The following KIAA0232 variants were observed in gnomAD, a reference collection of about 807,000 sequenced individuals.
KIAA0232 encodes uncharacterized protein KIAA0232.
Under a neutral mutation model 122.0 loss-of-function variants are expected in KIAA0232, and 27 were observed. The observed-to-expected ratio is 0.22, with a 90% confidence interval of 0.16 to 0.31. The LOEUF (loss-of-function observed/expected upper bound fraction) is 0.31, where lower values mean the gene tolerates loss of function less well. Among genes scored for constraint, KIAA0232 ranks in the 10% least tolerant of loss-of-function variants. KIAA0232 has a pLI of 1.00. For synonymous variants in KIAA0232, 613 were observed against 587.6 expected, an observed-to-expected ratio of 1.04 and a Z score of -0.63; for missense variants, 1,551 against 1,634.2, an observed-to-expected ratio of 0.95 and a Z score of 0.88.
At chr4:6,836,551 T>C (rs1719289185) in intron 3 of KIAA0232, among the ~76,000 whole-genome samples, 1 of 149,476 alleles carries the variant, frequency 6.7e-6, no homozygotes, top group Non-Finnish European at 1.5e-5. Flanking sequence ...CTTTTCTTTT[T>C]TTTTTTTTTA....
chr4:6,784,362 C>T (rs991752340), intron 1 of KIAA0232, among the ~76,000 whole-genome samples: 1 of 151,916 alleles, frequency 6.6e-6, no homozygotes. Context: ...CTAGATTCTT[C>T]CTATGCAAAA....
At chr4:6,843,313 A>G (rs75035491) in intron 4 of KIAA0232, among the ~76,000 whole-genome samples, 2,430 of 152,292 alleles carry the variant, frequency 0.016, 59 homozygotes, top group African/African-American at 0.055. Flanking sequence ...ACCTCCAGAA[A>G]CTTCCTTCCT....
intron 8 of KIAA0232, among the ~76,000 whole-genome samples, chr4:6,872,955 T>C (rs550908093): frequency 3.9e-5 from 6 of 152,228 alleles, no homozygotes; most frequent in Admixed American, 3.9e-4. Flanking sequence ...CCCAGGACCC[T>C]GCCTTCCTCC....
chr4:6,783,344 A>G (rs889560932), intron 1 of KIAA0232, among the ~76,000 whole-genome samples: 18 of 152,094 alleles, frequency 1.2e-4, no homozygotes, highest in African/African-American at 2.4e-4. Flanking sequence ...AGTCCGCACA[A>G]TGGGTTGCCG....
chr4:6,813,509 C>G (rs111503751), intron 2 of KIAA0232, among the ~76,000 whole-genome samples: 10 of 151,946 alleles, frequency 6.6e-5, no homozygotes, highest in African/African-American at 1.4e-4. Context: ...ACTACAGGTG[C>G]CTGCCACCAC....
At chr4:6,852,764 G>A (rs1004615432) in intron 4 of KIAA0232, among the ~76,000 whole-genome samples, 15 of 152,262 alleles carry the variant, frequency 9.9e-5, no homozygotes, top group African/African-American at 3.6e-4. Context: ...GGCAGGTGGA[G>A]CTGAAACATC....
intron 2 of KIAA0232, 96 bp from the exon 3 acceptor site, chr4:6,824,089 A>G (rs1175541990): frequency 4.9e-6 from 2 of 408,916 alleles, no homozygotes; most frequent in East Asian, 3.5e-5. Context: ...ATATTTTAAT[A>G]AAGAGGGACA....
At chr4:6,799,757 C>G (rs1426271613) in intron 1 of KIAA0232, among the ~76,000 whole-genome samples, 2 of 151,940 alleles carry the variant, frequency 1.3e-5, no homozygotes, top group African/African-American at 2.4e-5. Flanking sequence ...TGAAGTGGCA[C>G]AATCTCGACT....
chr4:6,878,882 C>T (rs1270370082), intron 9 of KIAA0232, among the ~76,000 whole-genome samples: 1 of 152,194 alleles, frequency 6.6e-6, no homozygotes, highest in African/African-American at 2.4e-5. Flanking sequence ...GCCCACTGAC[C>T]TGTCCGGCTC....
intron 7 of KIAA0232, among the ~76,000 whole-genome samples, chr4:6,870,406 C>G (rs1160224334): frequency 6.6e-6 from 1 of 152,230 alleles, no homozygotes; most frequent in Non-Finnish European, 1.5e-5. Context: ...AAATTTGAAT[C>G]ATGGAATTTG....
At chr4:6,837,774 G>A (rs878876538) in intron 3 of KIAA0232, among the ~76,000 whole-genome samples, 2 of 152,194 alleles carry the variant, frequency 1.3e-5, no homozygotes, top group East Asian at 1.9e-4. Context: ...CCAGTCAGGC[G>A]TGGGCGGCGC....
Position 6,813,858 on chromosome 4 carries a change from G to A in KIAA0232, c.-270+9252G>A, listed in dbSNP as rs1577366884. Among the ~76,000 whole-genome samples, 10 of 152,224 alleles carry A rather than the reference G, an allele frequency of 6.6e-5. No homozygotes were observed. In the South Asian group the frequency reaches 2.1e-3, roughly 32 times the overall value. On this transcript the variant is annotated intron_variant, in intron 2 of 9. Transcript: ENST00000307659. ...AAAGTGGCATGTATTTAAACTTAGT[G>A]CAGGGTTTCCTGGGGGCTGCCATAG...
intron 1 of KIAA0232, among the ~76,000 whole-genome samples, chr4:6,787,133 A>T (rs1577349960): frequency 6.7e-6 from 1 of 149,228 alleles, no homozygotes; most frequent in East Asian, 2.0e-4. Flanking sequence ...GTGAACCAAG[A>T]TCACACCACT....
intron 7 of KIAA0232, among the ~76,000 whole-genome samples, chr4:6,869,386 C>T (rs1310434945): frequency 6.6e-6 from 1 of 152,192 alleles, no homozygotes; most frequent in Non-Finnish European, 1.5e-5. Context: ...GCTGGGGCAC[C>T]TTCCTTGCTC....
intron 1 of KIAA0232, among the ~76,000 whole-genome samples, chr4:6,783,359 C>T (rs1716446614): frequency 6.6e-6 from 1 of 152,230 alleles, no homozygotes; most frequent in African/African-American, 2.4e-5. Flanking sequence ...TTGCCGTTGG[C>T]TGCCTCCTGC....
intron 1 of KIAA0232, among the ~76,000 whole-genome samples, chr4:6,802,092 C>T (rs950199171): frequency 2.0e-5 from 3 of 152,168 alleles, no homozygotes; most frequent in African/African-American, 7.2e-5. Context: ...CAAATGCAGA[C>T]AATTTAGCAT....
intron 7 of KIAA0232, among the ~76,000 whole-genome samples, chr4:6,868,616 G>A (rs1721307885): frequency 6.6e-6 from 1 of 152,166 alleles, no homozygotes; most frequent in Non-Finnish European, 1.5e-5. Context: ...TGAGGCCGCT[G>A]CTGTGCCTGC....
At chr4:6,854,175 A>G (rs1720451485) in intron 4 of KIAA0232, among the ~76,000 whole-genome samples, 1 of 152,254 alleles carries the variant, frequency 6.6e-6, no homozygotes, top group African/African-American at 2.4e-5. Context: ...GACGTACAAA[A>G]TCTAGAAATG....
chr4:6,876,780 C>T (rs1329658949), intron 9 of KIAA0232, 23 bp downstream of exon 9: 9 of 1,510,948 alleles, frequency 6.0e-6, no homozygotes, highest in East Asian at 2.3e-5. Context: ...TCCTCCTCCT[C>T]GTCATTAACT....
Sources: allele counts gnomAD v4.1 joint callset (sites outside exome capture counted in the v4.1 genomes callset), GRCh38; gene constraint gnomAD v4.1.1; transcripts MANE v1.5; gene names NCBI Gene and HGNC (gene_info 2026-07-23, HGNC 2026-07-21).